IMMP2L: variants seen among roughly 807,000 people sequenced by gnomAD.
The protein encoded by IMMP2L is mitochondrial inner membrane protease subunit 2.
In IMMP2L, 18 loss-of-function variants were observed where a neutral mutation model predicts 19.3. That is an observed-to-expected ratio of 0.93 (90% CI 0.64 to 1.38). The LOEUF (loss-of-function observed/expected upper bound fraction) is 1.38, where lower values mean the gene tolerates loss of function less well. Among genes scored for constraint, IMMP2L ranks in the 40% most tolerant of loss-of-function variants. IMMP2L has a pLI of 0.00. For synonymous variants in IMMP2L, 76 were observed against 73.0 expected (o/e 1.04, Z -0.21); for missense variants, 233 against 218.2 (o/e 1.07, Z -0.43).
At chr7:111,407,043 C>T (rs113601815) in intron 3 of IMMP2L, among the ~76,000 whole-genome samples, 3,156 of 152,012 alleles carry the variant, frequency 0.021, 113 homozygotes, top group African/African-American at 0.072. Context: ...TGGGGTGTAA[C>T]CTTGAGTAAG....
intron 5 of IMMP2L, among the ~76,000 whole-genome samples, chr7:110,778,020 A>T (rs569287765): frequency 6.6e-6 from 1 of 152,086 alleles, no homozygotes; most frequent in East Asian, 1.9e-4. Flanking sequence ...TTTTTAAGGT[A>T]GTGCTGGGTT....
At chr7:111,299,323 G>C (rs1000116438) in intron 3 of IMMP2L, among the ~76,000 whole-genome samples, 1 of 152,096 alleles carries the variant, frequency 6.6e-6, no homozygotes, top group Non-Finnish European at 1.5e-5. Flanking sequence ...GAACCGGCCA[G>C]AATACCAAAC....
intron 3 of IMMP2L, among the ~76,000 whole-genome samples, chr7:111,079,669 A>ACC (rs1320417158): frequency 7.9e-5 from 12 of 152,196 alleles, no homozygotes; most frequent in Non-Finnish European, 5.9e-5. Flanking sequence ...TTATGATTAT[A>ACC]CATATATACT....
chr7:111,046,124 A>G (rs932101914), intron 3 of IMMP2L, among the ~76,000 whole-genome samples: 5 of 152,312 alleles, frequency 3.3e-5, no homozygotes, highest in African/African-American at 9.6e-5. Context: ...ACATAATTCA[A>G]ACAAATTAAA....
chr7:110,996,478 G>A (rs1823040633), intron 3 of IMMP2L, among the ~76,000 whole-genome samples: 1 of 152,108 alleles, frequency 6.6e-6, no homozygotes, highest in African/African-American at 2.4e-5. Flanking sequence ...AGGATGACAA[G>A]CAGCAAGGCT....
intron 3 of IMMP2L, among the ~76,000 whole-genome samples, chr7:111,141,304 C>T (rs1288376840): frequency 6.6e-6 from 1 of 152,002 alleles, no homozygotes; most frequent in African/African-American, 2.4e-5. Flanking sequence ...CTCCCTTAAA[C>T]CCCTCCACAT....
At chr7:111,348,175 T>C (rs968640524) in intron 3 of IMMP2L, among the ~76,000 whole-genome samples, 2 of 146,538 alleles carry the variant, frequency 1.4e-5, no homozygotes, top group Non-Finnish European at 1.5e-5. Flanking sequence ...CATTAGGAGA[T>C]AGACCTAATG....
intron 3 of IMMP2L, among the ~76,000 whole-genome samples, chr7:111,002,101 C>G (rs1317782933): frequency 6.6e-6 from 1 of 151,734 alleles, no homozygotes; most frequent in Admixed American, 6.6e-5. Flanking sequence ...AACTGAACTT[C>G]CTGATACTAT....
At chr7:111,399,905 T>C (rs748105862) in intron 3 of IMMP2L, among the ~76,000 whole-genome samples, 4 of 151,974 alleles carry the variant, frequency 2.6e-5, no homozygotes, top group East Asian at 1.9e-4. Context: ...TTATAAAGAG[T>C]AGTTTGACGT....
intron 3 of IMMP2L, among the ~76,000 whole-genome samples, chr7:111,301,674 A>G (rs1822253538): frequency 6.6e-6 from 1 of 151,894 alleles, no homozygotes; most frequent in South Asian, 2.1e-4. Context: ...TTTACCTGTG[A>G]ATGTCCAGTT....
At chr7:110,751,786 T>C (rs1797733396) in intron 5 of IMMP2L, among the ~76,000 whole-genome samples, 1 of 152,040 alleles carries the variant, frequency 6.6e-6, no homozygotes, top group African/African-American at 2.4e-5. Context: ...AAATATTTTA[T>C]ATCCATTCAT....
chr7:110,986,371 T>A (rs1165160120), intron 3 of IMMP2L, among the ~76,000 whole-genome samples: 1 of 152,150 alleles, frequency 6.6e-6, no homozygotes, highest in Non-Finnish European at 1.5e-5. Context: ...GATCAGCTAA[T>A]CTGAGATAAA....
chr7:110,964,452 G>C (rs911805280), intron 3 of IMMP2L, among the ~76,000 whole-genome samples: 6 of 152,048 alleles, frequency 3.9e-5, no homozygotes, highest in African/African-American at 1.2e-4. Flanking sequence ...TTAGCCATTT[G>C]ATGATTATAG....
intron 3 of IMMP2L, among the ~76,000 whole-genome samples, chr7:111,333,817 T>C (rs910290590): frequency 2.0e-5 from 3 of 152,128 alleles, no homozygotes; most frequent in Non-Finnish European, 2.9e-5. Context: ...ACCTTTGTAA[T>C]TCGGACTGGC....
chr7:111,007,729 A>G lies in IMMP2L; in HGVS notation c.240-44164T>C, dbSNP rs182754502. On this transcript the variant is annotated intron_variant, in intron 3 of 5. Coordinates refer to ENST00000405709, the MANE Select transcript of IMMP2L (RefSeq NM_032549.4). ...TGTGCATACATACTTATATATATGCATGTGTGTGTGTGTGTATGTGTGGGT... is the reference window on the plus strand; with the variant it reads ...TGTGCATACATACTTATATATATGCGTGTGTGTGTGTGTGTATGTGTGGGT... Among the ~76,000 whole-genome samples the G allele has an allele frequency of 1.8e-3, 270 of 151,260 alleles. 1 individual carries two copies. The highest frequency in any genetic ancestry group is 5.3e-3 in the African/African-American group (218 of 41,324).
intron 3 of IMMP2L, among the ~76,000 whole-genome samples, chr7:111,348,834 A>T (rs1827849361): frequency 6.6e-6 from 1 of 152,118 alleles, no homozygotes; most frequent in Non-Finnish European, 1.5e-5. Context: ...GGGTTCTGGT[A>T]TCTGAAAGCA....
intron 5 of IMMP2L, among the ~76,000 whole-genome samples, chr7:110,826,795 C>T (rs1563004025): frequency 6.6e-6 from 1 of 151,654 alleles, no homozygotes; most frequent in Non-Finnish European, 1.5e-5. Flanking sequence ...ATGTAACAAA[C>T]CTGCACATTG....
chr7:110,674,559 G>A (rs1462122020), intron 5 of IMMP2L, among the ~76,000 whole-genome samples: 2 of 152,154 alleles, frequency 1.3e-5, no homozygotes, highest in African/African-American at 4.8e-5. Context: ...TAAGAAGAGA[G>A]AGAAATTTCC....
At chr7:110,788,980 T>G (rs1371399251) in intron 5 of IMMP2L, among the ~76,000 whole-genome samples, 1 of 151,794 alleles carries the variant, frequency 6.6e-6, no homozygotes, top group Admixed American at 6.6e-5. Flanking sequence ...GGTCAGTCAG[T>G]CTTGGAACTT....
Sources: allele counts gnomAD v4.1 joint callset (sites outside exome capture counted in the v4.1 genomes callset), GRCh38; gene constraint gnomAD v4.1.1; transcripts MANE v1.5; gene names NCBI Gene and HGNC (gene_info 2026-07-23, HGNC 2026-07-21).